Variants in CACNA2D4 observed in about 807,000 individuals in gnomAD.
CACNA2D4 encodes calcium voltage-gated channel auxiliary subunit alpha2delta 4.
A neutral mutation model predicts 163.8 loss-of-function variants in CACNA2D4; 157 were observed. That is an observed-to-expected ratio of 0.96 (90% CI 0.84 to 1.09). CACNA2D4 has a LOEUF of 1.09. Among genes scored for constraint, CACNA2D4 ranks in the 50% least tolerant of loss-of-function variants. The probability of loss-of-function intolerance (pLI) is 0.00; values close to 1 mark genes in which losing one functional copy is unlikely to be tolerated. For missense variants in CACNA2D4, 1,410 were observed against 1,479.9 expected, an observed-to-expected ratio of 0.95 and a Z score of 0.78; for synonymous variants, 598 against 586.9, an observed-to-expected ratio of 1.02 and a Z score of -0.27.
At chr12:1,900,896 T>C (rs1866521736) in intron 6 of CACNA2D4, among the ~76,000 whole-genome samples, 1 of 152,188 alleles carries the variant, frequency 6.6e-6, no homozygotes, top group Admixed American at 6.5e-5. Flanking sequence ...GGCTACAGAA[T>C]ACAAATTATT....
intron 1 of CACNA2D4, among the ~76,000 whole-genome samples, chr12:1,915,585 G>A (rs1866953462): frequency 6.6e-6 from 1 of 152,260 alleles, no homozygotes; most frequent in South Asian, 2.1e-4. Context: ...GTGAGGCAAG[G>A]GCACAGCAGG....
At chr12:1,850,179 G>A (rs1019024133) in intron 23 of CACNA2D4, among the ~76,000 whole-genome samples, 6 of 152,056 alleles carry the variant, frequency 3.9e-5, no homozygotes, top group African/African-American at 9.7e-5. Flanking sequence ...GAAACATTTC[G>A]TATCCCACCC....
Position 1,829,543 on chromosome 12 carries a change from C to T in CACNA2D4, c.2551+11196G>A, listed in dbSNP as rs935213285. Among the ~76,000 whole-genome samples, 2 of 152,062 alleles carry T rather than the reference C, an allele frequency of 1.3e-5. No homozygotes were observed. The highest frequency in any genetic ancestry group is 6.5e-5 in the Admixed American group (1 of 15,274). On this transcript the variant is annotated intron_variant, in intron 26 of 37. Transcript: ENST00000382722. The surrounding 1 kb of genome is among the most constrained non-coding windows in gnomAD (Gnocchi z 4.2). ...GGGAGGCCTGGGCCAGATCTAGCCACGTGTCAGCTCTCAGCTGTCATCGAT... is the reference window on the plus strand; with the variant it reads ...GGGAGGCCTGGGCCAGATCTAGCCATGTGTCAGCTCTCAGCTGTCATCGAT...
intron 26 of CACNA2D4, among the ~76,000 whole-genome samples, chr12:1,818,053 G>C (rs1156247416): frequency 1.3e-5 from 2 of 150,992 alleles, no homozygotes. Context: ...GTCTCTGCCC[G>C]GCCGCCCATC....
chr12:1,843,788 G>A lies in CACNA2D4; in HGVS notation c.2470+614C>T, dbSNP rs193011066. ...AGTTGGGTGCCCATCAACTCTGAGAGTCTTCCTGGTCCCTGGCCGTGCAGG... is the reference window on the plus strand; with the variant it reads ...AGTTGGGTGCCCATCAACTCTGAGAATCTTCCTGGTCCCTGGCCGTGCAGG... On this transcript the variant is annotated intron_variant, in intron 25 of 37. Transcript: ENST00000382722. This position sits in a 1 kb window ranked among gnomAD's most constrained non-coding sequence, Gnocchi z 4.6. 7.9e-5 allele frequency among the ~76,000 whole-genome samples: 12 copies of A among 152,278 alleles called. No individual in the cohort carries two copies. Among genetic ancestry groups the A allele is most frequent in the Admixed American group, 7.8e-4 (12 of 15,308 alleles).
intron 18 of CACNA2D4, among the ~76,000 whole-genome samples, chr12:1,871,295 C>G (rs560950687): frequency 1.5e-5 from 2 of 135,834 alleles, no homozygotes; most frequent in South Asian, 4.7e-4. Context: ...CTGTATGTTG[C>G]TGGTGTGTGT....
In CACNA2D4 at chr12:1,830,928, C is replaced by T. The variant is rs200132225; in HGVS notation, c.2551+9811G>A. ...CTTTCTTTCCCCCGTCTGTCCCTCC[C>T]ACCAAGGGATCACCTGCTGGATCGC... On this transcript the variant is annotated intron_variant, in intron 26 of 37. Transcript: ENST00000382722. 5.4e-4 allele frequency: 859 copies of T among 1,589,696 alleles called. 2 individuals carry two copies. The highest frequency in any genetic ancestry group is 1.6e-4 in the Non-Finnish European group (181 of 1,163,050).
rs1300714593 is a variant in CACNA2D4, at chr12:1,828,977, C to T, written c.2551+11762G>A. On this transcript the variant is annotated intron_variant, in intron 26 of 37. Coordinates refer to ENST00000382722, the MANE Select transcript of CACNA2D4 (RefSeq NM_172364.5). The surrounding 1 kb of genome is among the most constrained non-coding windows in gnomAD (Gnocchi z 4.2). ...GGAAACGGTCCCGCGGGACGGCATT[C>T]CGCCTGACTTCCCGCTCTGATCCAG... Among the ~76,000 whole-genome samples the T allele has an allele frequency of 6.6e-6, 1 of 152,230 alleles. No homozygotes were observed. Among genetic ancestry groups the T allele is most frequent in the African/African-American group, 2.4e-5 (1 of 41,462 alleles).
chr12:1,870,090 A>G (rs920751758), intron 18 of CACNA2D4, among the ~76,000 whole-genome samples: 4 of 152,142 alleles, frequency 2.6e-5, no homozygotes, highest in Non-Finnish European at 5.9e-5. Context: ...TGGTCGTGGG[A>G]CAGTCTTTAC....
rs1866046649 is a variant in CACNA2D4 at position 1,883,116 on chromosome 12, T to C, written c.1352-116A>G. ...TCATAGCCGAATACTCTCTGGAAAC[T>C]GGACCGGGGCACAGGGAGCTGCTTC... On this transcript the variant is annotated intron_variant, in intron 12 of 37. Transcript: ENST00000382722. The surrounding 1 kb of genome is among the most constrained non-coding windows in gnomAD (Gnocchi z 4.5). 1.7e-6 allele frequency: 2 copies of C among 1,200,616 alleles called. No homozygotes were observed. Among genetic ancestry groups the C allele is most frequent in the Non-Finnish European group, 2.3e-6 (2 of 865,006 alleles). The allele number at this position is 1,200,616 out of a possible 1,614,324, so 74.4% of individuals were successfully genotyped here. A position where few individuals can be genotyped will look rare whatever the true frequency, so the allele number is the denominator to read the frequency against.
Position 1,813,029 on chromosome 12 carries a change from A to C in CACNA2D4, c.2552-1306T>G, listed in dbSNP as rs4454778. 6.9e-3 allele frequency among the ~76,000 whole-genome samples: 1,054 copies of C among 152,252 alleles called. 11 individuals are homozygous for C. The highest frequency in any genetic ancestry group is 0.024 in the African/African-American group (995 of 41,526). ...AGAGAAATTTGATGGGAAAAATGAG[A>C]GCAGGGAAGGGTCAAAGGCCAGAGG... On this transcript the variant is annotated intron_variant, in intron 26 of 37. Coordinates refer to ENST00000382722, the MANE Select transcript of CACNA2D4 (RefSeq NM_172364.5).
intron 26 of CACNA2D4, among the ~76,000 whole-genome samples, chr12:1,831,774 A>T (rs1340015053): frequency 1.9e-5 from 1 of 53,154 alleles, no homozygotes; most frequent in Non-Finnish European, 3.9e-5. Flanking sequence ...CCTGCTCTGC[A>T]TCCCCTCCCC....
chr12:1,883,884 T>C lies in CACNA2D4; in HGVS notation c.1351+359A>G, dbSNP rs963055347. 3.9e-6 allele frequency: 1 copy of C among 255,986 alleles called. No individual in the cohort carries two copies. Among genetic ancestry groups the C allele is most frequent in the African/African-American group, 2.2e-5 (1 of 46,016 alleles). The allele number at this position is 255,986 out of a possible 1,614,324, so 15.9% of individuals were successfully genotyped here. A position where few individuals can be genotyped will look rare whatever the true frequency, so the allele number is the denominator to read the frequency against. ...GAAATGGGGCCAGGTGCATAGTGGA[T>C]GCTCAGTGAATTTTTGTTGAATCAA... On this transcript the variant is annotated intron_variant, in intron 12 of 37. Coordinates refer to ENST00000382722, the MANE Select transcript of CACNA2D4 (RefSeq NM_172364.5). This position sits in a 1 kb window ranked among gnomAD's most constrained non-coding sequence, Gnocchi z 4.5.
intron 1 of CACNA2D4, among the ~76,000 whole-genome samples, chr12:1,916,978 C>CCTCAG (rs1372358965): frequency 6.6e-6 from 1 of 152,184 alleles, no homozygotes; most frequent in Non-Finnish European, 1.5e-5. Flanking sequence ...CCGACTTGGC[C>CCTCAG]CTCAGCCCAC....
At chr12:1,861,908 C>A (rs1196010442) in intron 18 of CACNA2D4, among the ~76,000 whole-genome samples, 1 of 152,226 alleles carries the variant, frequency 6.6e-6, no homozygotes, top group South Asian at 2.1e-4. Flanking sequence ...CATCCCACTC[C>A]TTCACAGGCA....
chr12:1,801,792 C>T (rs1863342896), intron 29 of CACNA2D4, 148 bp from the exon 30 acceptor site: 2 of 575,214 alleles, frequency 3.5e-6, no homozygotes, highest in Middle Eastern at 5.4e-4. Flanking sequence ...CATAATCCAG[C>T]TGAACCCTTC....
intron 18 of CACNA2D4, among the ~76,000 whole-genome samples, chr12:1,864,635 C>A (rs936213002): frequency 2.6e-5 from 4 of 152,240 alleles, no homozygotes; most frequent in African/African-American, 9.6e-5. Flanking sequence ...GGCCCAGTCC[C>A]ACCAGGGCGC....
rs183363870 is a variant in CACNA2D4 at position 1,891,013 on chromosome 12, C to T, written c.782-3944G>A. 2.9e-3 allele frequency among the ~76,000 whole-genome samples: 437 copies of T among 152,338 alleles called. 4 individuals carry two copies. Among genetic ancestry groups the T allele is most frequent in the African/African-American group, 9.8e-3 (408 of 41,566 alleles). ...CAGAGGGTTGCCCCACCACTGCTAA[C>T]GATTGCATCACCTTTGCCACACCCA... is the stretch of plus-strand genomic sequence containing the variant. On this transcript the variant is annotated intron_variant, in intron 6 of 37. Transcript: ENST00000382722.
chr12:1,830,692 C>T (rs757441451), intron 26 of CACNA2D4, among the ~76,000 whole-genome samples: 3 of 152,210 alleles, frequency 2.0e-5, no homozygotes, highest in Non-Finnish European at 4.4e-5. Context: ...AGTGATTCCT[C>T]TGCCAGATGT....
Sources: gnomAD v4.1 joint callset for allele counts (sites outside exome capture counted in the v4.1 genomes callset) on GRCh38, gnomAD v4.1.1 for gene constraint, Gnocchi (gnomAD v3.1) non-coding constraint, MANE v1.5 for transcripts, NCBI Gene and HGNC (gene_info 2026-07-23, HGNC 2026-07-21) for gene names.